SPAG16: variants seen among roughly 807,000 people sequenced by gnomAD.
SPAG16 encodes the protein sperm-associated antigen 16 protein.
Under a neutral mutation model 80.4 loss-of-function variants are expected in SPAG16, and 86 were observed. The ratio of observed to expected loss-of-function variants is 1.07; its 90% CI spans 0.90 to 1.28. The LOEUF (loss-of-function observed/expected upper bound fraction) is 1.28, where lower values mean the gene tolerates loss of function less well. Ranked by LOEUF, SPAG16 falls within the 50% of genes most tolerant of loss-of-function variation. SPAG16 has a pLI of 0.00. For missense variants in SPAG16, 870 were observed against 765.3 expected, an observed-to-expected ratio of 1.14 and a Z score of -1.61; for synonymous variants, 294 against 265.9, an observed-to-expected ratio of 1.11 and a Z score of -1.03.
intron 8 of SPAG16, among the ~76,000 whole-genome samples, chr2:213,366,889 TAAC>T (rs2066325600): frequency 6.6e-6 from 1 of 152,280 alleles, no homozygotes; most frequent in Middle Eastern, 3.4e-3. Flanking sequence ...CTGCACCCAT[TAAC>T]TCATCATTTA....
At chr2:214,064,226 T>C (rs1262341623) in intron 13 of SPAG16, among the ~76,000 whole-genome samples, 1 of 152,140 alleles carries the variant, frequency 6.6e-6, no homozygotes, top group Non-Finnish European at 1.5e-5. Flanking sequence ...ATTAATTGCG[T>C]CTGTCTAGAG....
intron 12 of SPAG16, among the ~76,000 whole-genome samples, chr2:213,981,268 T>C (rs2045731760): frequency 6.6e-6 from 1 of 152,166 alleles, no homozygotes; most frequent in Admixed American, 6.6e-5. Context: ...TTCTAAATCA[T>C]GCTTGAATGT....
intron 11 of SPAG16, among the ~76,000 whole-genome samples, chr2:213,887,444 A>G (rs1325248917): frequency 6.6e-6 from 1 of 151,834 alleles, no homozygotes; most frequent in African/African-American, 2.4e-5. Context: ...TTTTCTCCTG[A>G]TTAAAATTAG....
chr2:213,517,228 A>G (rs1442673777), intron 10 of SPAG16, among the ~76,000 whole-genome samples: 1 of 152,184 alleles, frequency 6.6e-6, no homozygotes, highest in African/African-American at 2.4e-5. Context: ...AAGAAAACAA[A>G]ATACTTAGGA....
intron 10 of SPAG16, among the ~76,000 whole-genome samples, chr2:213,795,560 G>A (rs2070973204): frequency 6.6e-6 from 1 of 152,074 alleles, no homozygotes. Flanking sequence ...TCATATTTCT[G>A]ACACTTGGTG....
chr2:214,053,768 T>C (rs1327279140), intron 13 of SPAG16, among the ~76,000 whole-genome samples: 1 of 152,194 alleles, frequency 6.6e-6, no homozygotes, highest in Non-Finnish European at 1.5e-5. Flanking sequence ...ACACAGCCAG[T>C]AAGTGACAAG....
At chr2:213,953,228 A>G (rs2043945369) in intron 12 of SPAG16, among the ~76,000 whole-genome samples, 1 of 152,002 alleles carries the variant, frequency 6.6e-6, no homozygotes, top group Non-Finnish European at 1.5e-5. Context: ...TCAAATGGGA[A>G]CAATCTGAAA....
At chr2:214,104,736 C>G (rs1447790908) in intron 13 of SPAG16, among the ~76,000 whole-genome samples, 1 of 152,112 alleles carries the variant, frequency 6.6e-6, no homozygotes, top group Non-Finnish European at 1.5e-5. Flanking sequence ...CTTATTATGT[C>G]TGACGTGCTG....
chr2:214,130,017 A>G (rs868769750), intron 14 of SPAG16, among the ~76,000 whole-genome samples: 3 of 152,184 alleles, frequency 2.0e-5, no homozygotes, highest in Admixed American at 6.6e-5. Context: ...GGCATAGCCT[A>G]CAATACAAGT....
chr2:213,966,182 T>C (rs1333861082), intron 12 of SPAG16, among the ~76,000 whole-genome samples: 1 of 152,158 alleles, frequency 6.6e-6, no homozygotes, highest in African/African-American at 2.4e-5. Context: ...ATCTTCTTGG[T>C]TGTACTTGGA....
intron 10 of SPAG16, among the ~76,000 whole-genome samples, chr2:213,550,367 A>G (rs912013177): frequency 6.6e-6 from 1 of 152,078 alleles, no homozygotes; most frequent in Non-Finnish European, 1.5e-5. Flanking sequence ...TATTCAAATT[A>G]TGCGCTTTTA....
intron 13 of SPAG16, among the ~76,000 whole-genome samples, chr2:214,082,519 C>G (rs374519270): frequency 1.3e-5 from 2 of 152,262 alleles, no homozygotes; most frequent in East Asian, 1.9e-4. Context: ...CTTCTGCCCT[C>G]TTCTCTTCCT....
At chr2:213,433,989 T>C (rs889150478) in intron 9 of SPAG16, among the ~76,000 whole-genome samples, 1 of 149,522 alleles carries the variant, frequency 6.7e-6, no homozygotes, top group African/African-American at 2.5e-5. Context: ...GGCCCTATTT[T>C]GGCTCACTGC....
chr2:213,346,267 T>G (rs970336527), intron 6 of SPAG16, among the ~76,000 whole-genome samples: 2 of 152,188 alleles, frequency 1.3e-5, no homozygotes, highest in Non-Finnish European at 2.9e-5. Context: ...CCTATCAGCT[T>G]AAGGAGATTT....
chr2:214,028,148 A>G (rs1575877312), intron 13 of SPAG16, among the ~76,000 whole-genome samples: 1 of 152,002 alleles, frequency 6.6e-6, no homozygotes, highest in South Asian at 2.1e-4. Flanking sequence ...ATTACACTGA[A>G]CTAGCCATGC....
At chr2:213,384,139 TATG>T (rs2067310525) in intron 9 of SPAG16, among the ~76,000 whole-genome samples, 1 of 152,166 alleles carries the variant, frequency 6.6e-6, no homozygotes, top group South Asian at 2.1e-4. Flanking sequence ...TATATGGAAA[TATG>T]ATGAGAACAT....
intron 15 of SPAG16, among the ~76,000 whole-genome samples, chr2:214,286,443 T>C (rs1170124643): frequency 1.3e-5 from 2 of 151,336 alleles, no homozygotes; most frequent in Non-Finnish European, 1.5e-5. Context: ...ACTAAATAAA[T>C]AGTGTATAAA....
intron 9 of SPAG16, among the ~76,000 whole-genome samples, chr2:213,406,525 A>G (rs2068614634): frequency 6.6e-6 from 1 of 152,216 alleles, no homozygotes; most frequent in Non-Finnish European, 1.5e-5. Flanking sequence ...GTTATGAACC[A>G]AAATAAGTCA....
chr2:213,857,218 A>G (rs1186252315), intron 10 of SPAG16, among the ~76,000 whole-genome samples: 1 of 152,194 alleles, frequency 6.6e-6, no homozygotes, highest in Non-Finnish European at 1.5e-5. Flanking sequence ...TGACAGAGAG[A>G]GACTGCATCT....
Sources: gnomAD v4.1 joint callset for allele counts (sites outside exome capture counted in the v4.1 genomes callset) on GRCh38, gnomAD v4.1.1 for gene constraint, MANE v1.5 for transcripts, NCBI Gene and HGNC (gene_info 2026-07-23, HGNC 2026-07-21) for gene names.